Variants in GNS observed in about 807,000 individuals in gnomAD.
GNS encodes N-acetylglucosamine-6-sulfatase.
A neutral mutation model predicts 69.7 loss-of-function variants in GNS; 40 were observed. That is an observed-to-expected ratio of 0.57 (90% CI 0.45 to 0.75). The LOEUF (loss-of-function observed/expected upper bound fraction) is 0.75, where lower values mean the gene tolerates loss of function less well. Among genes scored for constraint, GNS ranks in the 30% least tolerant of loss-of-function variants. The pLI, the probability that GNS is intolerant of heterozygous loss-of-function variation, is 0.00. For synonymous variants in GNS, 243 were observed against 251.6 expected (o/e 0.97, Z 0.32); for missense variants, 565 against 685.5 (o/e 0.82, Z 1.96).
At chr12:64,753,873 C>T (rs1254746503) in intron 1 of GNS, among the ~76,000 whole-genome samples, 1 of 152,168 alleles carries the variant, frequency 6.6e-6, no homozygotes, top group Non-Finnish European at 1.5e-5. Flanking sequence ...GAAGCAAGGT[C>T]GTCAGCCATA....
Position 64,747,677 on chromosome 12 carries a change from C to T in GNS, c.459+35G>A, listed in dbSNP as rs376327102. 5 of 1,069,308 alleles carry T rather than the reference C, an allele frequency of 4.7e-6. No individual in the cohort carries two copies. In the African/African-American group the frequency reaches 7.8e-5, roughly 17 times the overall value. The allele number at this position is 1,069,308 out of a possible 1,614,324, so 66.2% of individuals were successfully genotyped here. ...ATGAATTATATTCACATTTTAAAAG[C>T]CATTATAAAAAAAGAAACAGATCAT... On this transcript the variant is annotated intron_variant, in intron 3 of 13. Transcript: ENST00000258145.
chr12:64,742,158 G>C (rs537306242), intron 6 of GNS, among the ~76,000 whole-genome samples: 55 of 152,092 alleles, frequency 3.6e-4, no homozygotes, highest in South Asian at 1.2e-3. Context: ...GTAGCTGGGA[G>C]TACAGGTGTC....
At chr12:64,758,368 G>A (rs1318568814) in intron 1 of GNS, among the ~76,000 whole-genome samples, 1 of 128,324 alleles carries the variant, frequency 7.8e-6, no homozygotes, top group African/African-American at 2.9e-5. Context: ...CTGTCGCCAG[G>A]CTGGAATGCA....
Position 64,747,884 on chromosome 12 carries a change from G to A in GNS, c.287C>T (p.Ala96Val). 6.2e-7 allele frequency: 1 copy of A among 1,610,106 alleles called. No individual in the cohort carries two copies. The highest frequency in any genetic ancestry group is 1.1e-5 in the South Asian group (1 of 91,008). The change falls in exon 3 of 14, where the codon GCC becomes GTC. Residue 96 changes from alanine to valine, a missense_variant. Coordinates refer to ENST00000258145, the MANE Select transcript of GNS (RefSeq NM_002076.4). ...VPSALCCPSR[A>V]SILTGKYPHN... The stretch of plus-strand genomic sequence containing the variant: ...TGGGTACTTTCCTGTCAGGATACTG[G>A]CTCTGCTGGGGCAGCAGAGAGCACT...
rs147373538 is a variant in GNS at position 64,751,660 on chromosome 12, T to C, written c.252+1038A>G. On this transcript the variant is annotated intron_variant, in intron 2 of 13. Coordinates refer to ENST00000258145, the MANE Select transcript of GNS (RefSeq NM_002076.4). ...TACTTGTATCATGTTGGTAGACATA[T>C]AATAACCAACATCATGTAGTATTTA... Among the ~76,000 whole-genome samples the C allele has an allele frequency of 3.6e-4, 55 of 152,336 alleles. No homozygotes were observed. The East Asian group carries it at 9.8e-3, about 27-fold the overall frequency.
intron 9 of GNS, among the ~76,000 whole-genome samples, chr12:64,736,148 G>A (rs912424449): frequency 6.6e-6 from 1 of 152,236 alleles, no homozygotes; most frequent in Non-Finnish European, 1.5e-5. Context: ...AGCTGGTGGA[G>A]GCTGTCAATT....
chr12:64,747,412 G>A (rs1869928255), intron 3 of GNS, among the ~76,000 whole-genome samples: 1 of 152,162 alleles, frequency 6.6e-6, no homozygotes, highest in African/African-American at 2.4e-5. Flanking sequence ...AAGGGAAGAC[G>A]CATCAGACAG....
At position 64,720,043 on chromosome 12, in the gene GNS, G is replaced by A. The variant is rs1367703584; in HGVS notation, c.1559C>T (p.Thr520Ile). ...TTACCCGGGGTCAAAAACCCCTGGAGTGCGACAGGTTGGCCCAGAACAGGA... is the reference window on the plus strand; with the variant it reads ...TTACCCGGGGTCAAAAACCCCTGGAATGCGACAGGTTGGCCCAGAACAGGA... Reference protein sequence around the residue: ...LQSCSGPTCRTPGVFDPGYRF... With the variant: ...LQSCSGPTCRIPGVFDPGYRF... Residue 520 changes from threonine to isoleucine, a missense_variant, in exon 13 of 14, where the codon ACT becomes ATT. Physicochemically the swap from Thr to Ile is moderately conservative, Grantham distance 89. Coordinates refer to ENST00000258145, the MANE Select transcript of GNS (RefSeq NM_002076.4). 6.2e-7 allele frequency: 1 copy of A among 1,613,276 alleles called. No individual in the cohort carries two copies. The highest frequency in any genetic ancestry group is 8.5e-7 in the Non-Finnish European group (1 of 1,179,232).
intron 2 of GNS, among the ~76,000 whole-genome samples, chr12:64,750,949 T>C (rs1328325241): frequency 2.6e-5 from 4 of 152,202 alleles, no homozygotes; most frequent in Admixed American, 1.3e-4. Context: ...ATGATGTGCA[T>C]ATCTACGTAT....
intron 9 of GNS, among the ~76,000 whole-genome samples, chr12:64,730,377 AC>A (rs1180297238): frequency 8.4e-6 from 1 of 118,456 alleles, no homozygotes; most frequent in African/African-American, 3.3e-5. Flanking sequence ...AAACAAAAAC[AC>A]CCCAGCCCTG....
intron 9 of GNS, among the ~76,000 whole-genome samples, chr12:64,729,721 T>A (rs1211986900): frequency 6.6e-6 from 1 of 152,202 alleles, no homozygotes; most frequent in Non-Finnish European, 1.5e-5. Flanking sequence ...CTATTTTCCT[T>A]CTGTAAGACA....
At position 64,720,102 on chromosome 12, in the gene GNS, T is replaced by A; in HGVS notation, c.1500A>T (p.Leu500Phe). The A allele has an allele frequency of 6.2e-7, 1 of 1,609,482 alleles. No individual in the cohort carries two copies. Among genetic ancestry groups the A allele is most frequent in the Non-Finnish European group, 8.5e-7 (1 of 1,175,748 alleles). ...NIAKTIDPEL[L>F]GKMNYRLMML... The stretch of plus-strand genomic sequence containing the variant: ...TCATTAACCGATAGTTCATCTTTCC[T>A]AAAAGCTCTGGGTCTATGGTTTTAG... Residue 500 changes from leucine (L) to phenylalanine (F), a missense_variant, in exon 13 of 14, where the codon TTA (leucine) becomes TTT (phenylalanine). By Grantham distance (22) the Leu-to-Phe change is conservative. Around this residue, in one of 2 missense-constraint regions of GNS, gnomAD observed 384 missense variants for 511.0 expected, o/e 0.75. Transcript: ENST00000258145.
At chr12:64,732,735 A>G (rs1464017052) in intron 9 of GNS, among the ~76,000 whole-genome samples, 1 of 152,152 alleles carries the variant, frequency 6.6e-6, no homozygotes, top group Non-Finnish European at 1.5e-5. Flanking sequence ...TGCTGGCATT[A>G]CAGGCGTGAG....
At chr12:64,730,434 C>CAAAAAAAA (rs35692874) in intron 9 of GNS, among the ~76,000 whole-genome samples, 3 of 43,380 alleles carry the variant, frequency 6.9e-5, no homozygotes, top group Non-Finnish European at 7.9e-5. Flanking sequence ...ATATGAAAGG[C>CAAAAAAAA]AAAAAAAAAA....
chr12:64,730,309 C>CA (rs1869343154), intron 9 of GNS, among the ~76,000 whole-genome samples: 1 of 151,514 alleles, frequency 6.6e-6, no homozygotes, highest in African/African-American at 2.4e-5. Flanking sequence ...TAACAGTCTT[C>CA]AAAACTGTTG....
At chr12:64,759,052 G>A (rs780315000) in intron 1 of GNS, 33 bp downstream of exon 1, 4 of 1,519,624 alleles carry the variant, frequency 2.6e-6, no homozygotes, top group Admixed American at 3.9e-5. Context: ...CAGCCCAAGA[G>A]ATAGAGGGGC....
At chr12:64,733,048 G>A (rs1869453799) in intron 9 of GNS, among the ~76,000 whole-genome samples, 1 of 151,990 alleles carries the variant, frequency 6.6e-6, no homozygotes, top group Admixed American at 6.6e-5. Context: ...GGGGAGGAGG[G>A]CTGATTGCTT....
At chr12:64,734,553 A>T (rs1869502912) in intron 9 of GNS, among the ~76,000 whole-genome samples, 1 of 152,226 alleles carries the variant, frequency 6.6e-6, no homozygotes, top group African/African-American at 2.4e-5. Flanking sequence ...AAAAGCCAGG[A>T]GGTGACAGAG....
Position 64,716,363 on chromosome 12 carries a change from C to T in GNS, c.*378G>A. ...CAAGCTTACATATCAAAAGGTGTGT[C>T]TGTGTGTTTGTGTGTGTCCTAAAGT... On this transcript the variant is annotated 3_prime_UTR_variant, in exon 14 of 14. Coordinates refer to ENST00000258145, the MANE Select transcript of GNS (RefSeq NM_002076.4). 3.2e-6 allele frequency: 1 copy of T among 314,340 alleles called. No individual in the cohort carries two copies. Among genetic ancestry groups the T allele is most frequent in the South Asian group, 3.0e-5 (1 of 33,238 alleles). 19.5% of individuals were successfully genotyped at this position (314,340 alleles called of 1,614,324 possible). A position where few individuals can be genotyped will look rare whatever the true frequency, so the allele number is the denominator to read the frequency against.
Sources: allele counts gnomAD v4.1 joint callset (sites outside exome capture counted in the v4.1 genomes callset), GRCh38; gene constraint gnomAD v4.1.1; regional missense constraint gnomAD v4.1.1; transcripts MANE v1.5; gene names NCBI Gene and HGNC (gene_info 2026-07-23, HGNC 2026-07-21).